Variants in MMP17 observed in about 807,000 individuals in gnomAD.
The protein encoded by MMP17 is matrix metallopeptidase 17, also known as matrix metalloproteinase-17.
A neutral mutation model predicts 49.1 loss-of-function variants in MMP17; 54 were observed. The observed-to-expected ratio is 1.10, with a 90% CI of 0.88 to 1.38. The LOEUF (loss-of-function observed/expected upper bound fraction) is 1.38, where lower values mean the gene tolerates loss of function less well. Ranked by LOEUF, MMP17 falls within the 40% of genes most tolerant of loss-of-function variation. The pLI is 0.00. For missense variants in MMP17, 837 were observed against 853.7 expected, an observed-to-expected ratio of 0.98 and a Z score of 0.24; for synonymous variants, 397 against 383.1, an observed-to-expected ratio of 1.04 and a Z score of -0.42.
intron 9 of MMP17, among the ~76,000 whole-genome samples, chr12:131,850,543 C>CCTG (rs1238627931): frequency 2.6e-5 from 4 of 152,212 alleles, no homozygotes; most frequent in Non-Finnish European, 4.4e-5. Flanking sequence ...CTGGAACAGC[C>CCTG]CTGCACAGAG....
In MMP17 at chr12:131,849,953, G is replaced by T. The variant is rs1887889803; in HGVS notation, c.1356G>T (p.Trp452Cys). 6.2e-7 allele frequency: 1 copy of T among 1,613,882 alleles called. No homozygotes were observed. The highest frequency in any genetic ancestry group is 1.1e-5 in the South Asian group (1 of 91,092). The change falls in exon 9 of 10, where the codon TGG becomes TGT. Residue 452 changes from tryptophan to cysteine, a missense_variant. Trp to Cys is a radical substitution (Grantham distance 215). Coordinates refer to ENST00000360564, the MANE Select transcript of MMP17 (RefSeq NM_016155.7). ...ATTTCTTTAAGGACCAGCTGTACTG[G>T]CGCTACGATGACCACACGAGGCACA... ...RTYFFKDQLY[W>C]RYDDHTRHMD... is the part of the protein sequence containing the mutation.
rs1299286115 is a variant in MMP17, at chr12:131,838,737, T to C, written c.418T>C (p.Trp140Arg). ...PTKWNKRNLSWRVRTFPRDSP... is the reference protein window; with the variant it reads ...PTKWNKRNLSRRVRTFPRDSP... Reference sequence around the variant, plus strand: ...CAAGTGGAACAAGAGGAACCTGTCGTGGAGGTGGGTGTGTGGCCAGGGTGA... The same window carrying C: ...CAAGTGGAACAAGAGGAACCTGTCGCGGAGGTGGGTGTGTGGCCAGGGTGA... The change falls in exon 3 of 10, where the codon TGG becomes CGG. Residue 140 changes from tryptophan to arginine, a missense_variant. Transcript: ENST00000360564. The C allele has an allele frequency of 6.4e-7, 1 of 1,567,140 alleles. No homozygotes were observed. The highest frequency in any genetic ancestry group is 8.6e-7 in the Non-Finnish European group (1 of 1,156,644).
At chr12:131,847,714 C>T (rs1035799481) in intron 8 of MMP17, among the ~76,000 whole-genome samples, 34 of 152,378 alleles carry the variant, frequency 2.2e-4, no homozygotes, top group Middle Eastern at 3.4e-3. Context: ...TTCTGAGCCC[C>T]GAGCCGCCCT....
rs1249478430 is a variant in MMP17, at chr12:131,851,538, G to A, written c.*264G>A. On this transcript the variant is annotated 3_prime_UTR_variant, in exon 10 of 10. Transcript: ENST00000360564. ...GAAGGGTGCCCAGTCAGGCCGCACC[G>A]CCGCCAGCCTCCTCCGGCCCTGGAG... 2.6e-5 allele frequency: 10 copies of A among 385,132 alleles called. No individual in the cohort carries two copies. Among genetic ancestry groups the A allele is most frequent in the Non-Finnish European group, 4.1e-5 (9 of 217,906 alleles). The allele number at this position is 385,132 out of a possible 1,614,324, so 23.9% of individuals were successfully genotyped here.
At chr12:131,848,694 G>A (rs1887826959) in intron 8 of MMP17, among the ~76,000 whole-genome samples, 1 of 152,132 alleles carries the variant, frequency 6.6e-6, no homozygotes, top group South Asian at 2.1e-4. Context: ...CTCTGTGCCT[G>A]GCTCGTGTCA....
chr12:131,843,773 G>T (rs1402898486), intron 5 of MMP17, among the ~76,000 whole-genome samples: 3 of 152,206 alleles, frequency 2.0e-5, no homozygotes, highest in African/African-American at 7.2e-5. Flanking sequence ...GGGTGGAATT[G>T]CAGGGCAGTG....
At chr12:131,831,429 A>G (rs1014759481) in intron 1 of MMP17, among the ~76,000 whole-genome samples, 1 of 151,804 alleles carries the variant, frequency 6.6e-6, no homozygotes, top group Non-Finnish European at 1.5e-5. Context: ...GCCGCCCTCC[A>G]TGTCCTGGCT....
intron 1 of MMP17, 21 bp from the exon 2 acceptor site, chr12:131,838,174 C>T: frequency 2.5e-6 from 4 of 1,602,292 alleles, no homozygotes; most frequent in Non-Finnish European, 3.4e-6. Flanking sequence ...TGCACCCCCT[C>T]ACCCTGCTCT....
intron 1 of MMP17, among the ~76,000 whole-genome samples, chr12:131,830,951 C>T (rs1275400026): frequency 6.6e-6 from 1 of 152,228 alleles, no homozygotes; most frequent in African/African-American, 2.4e-5. Context: ...CGACATACAG[C>T]GAGCAGCCCA....
In MMP17 at chr12:131,851,447, G is replaced by A. The variant is rs1249109294; in HGVS notation, c.*173G>A. On this transcript the variant is annotated 3_prime_UTR_variant, in exon 10 of 10. Coordinates refer to ENST00000360564, the MANE Select transcript of MMP17 (RefSeq NM_016155.7). ...CGCCAGGGCTGGGCAGGCTCAGGTG[G>A]CAAGGACGGAGCTGTCCCCTAGTGA... The A allele has an allele frequency of 1.2e-5, 6 of 514,552 alleles. No homozygotes were observed. In the East Asian group the frequency reaches 1.4e-4, roughly 12 times the overall value. 31.9% of individuals were successfully genotyped at this position (514,552 alleles called of 1,614,324 possible). A position where few individuals can be genotyped will look rare whatever the true frequency, so the allele number is the denominator to read the frequency against.
chr12:131,845,052 C>T (rs952198239), intron 6 of MMP17, 66 bp from the exon 7 acceptor site: 73 of 1,432,322 alleles, frequency 5.1e-5, no homozygotes, highest in Non-Finnish European at 6.2e-5. Flanking sequence ...GGGGCTCTGC[C>T]GCAGGATGCC....
rs200551695 is a variant in MMP17, at chr12:131,851,266, A to G, written c.1804A>G (p.Thr602Ala). The change falls in exon 10 of 10, where the codon ACG (threonine) becomes GCG (alanine). Residue 602 changes from threonine to alanine, a missense_variant. By Grantham distance (58) the Thr-to-Ala change is moderately conservative. Transcript: ENST00000360564. ...CCTGTGGACAGCGGCCCAGGCCCTG[A>G]CGCTATGACACACAGCGCGAGCCCA... ...GALWTAAQAL[T>A]L 615 of 1,423,506 alleles carry G rather than the reference A, an allele frequency of 4.3e-4. 4 individuals carry two copies. In the African/African-American group the frequency reaches 8.2e-3, roughly 19 times the overall value. The allele number at this position is 1,423,506 out of a possible 1,614,324, so 88.2% of individuals were successfully genotyped here. A position where few individuals can be genotyped will look rare whatever the true frequency, so the allele number is the denominator to read the frequency against.
Position 131,851,081 on chromosome 12 carries a change from AG to A in MMP17, c.1623del (p.Arg543AlafsTer59). 1.9e-6 allele frequency: 3 copies of A among 1,605,630 alleles called. No individual in the cohort carries two copies. Among genetic ancestry groups the A allele is most frequent in the Non-Finnish European group, 1.7e-6 (2 of 1,176,660 alleles). ...GTGGCTGCGGGCGTGGACGCGGCAG[AG>A]GGGCCCCGCGCCCCTCCAGGACAAC... is the stretch of plus-strand genomic sequence containing the variant. ...GSVAAGVDAAEGPRAPPGQHD... is the reference protein window; with the variant it reads ...GSVAAGVDAAXGPRAPPGQHD... On this transcript the variant is annotated frameshift_variant, in exon 10 of 10. Transcript: ENST00000360564. LOFTEE classifies it low-confidence loss of function (END_TRUNC).
At chr12:131,837,096 C>T (rs571512594) in intron 1 of MMP17, among the ~76,000 whole-genome samples, 1 of 152,354 alleles carries the variant, frequency 6.6e-6, no homozygotes, top group East Asian at 1.9e-4. Context: ...CTTGCACCCA[C>T]CCCAGTGGGC....
At chr12:131,835,660 A>G (rs1020268576) in intron 1 of MMP17, among the ~76,000 whole-genome samples, 1 of 152,224 alleles carries the variant, frequency 6.6e-6, no homozygotes, top group African/African-American at 2.4e-5. Context: ...CCCAGGCAGC[A>G]GCTGGCCTGG....
At chr12:131,840,158 C>T (rs979312383) in intron 3 of MMP17, 9 of 173,574 alleles carry the variant, frequency 5.2e-5, no homozygotes, top group Middle Eastern at 2.6e-3. Flanking sequence ...CACTATGTGA[C>T]CCACTCACCT....
In MMP17 at chr12:131,840,598, C is replaced by A; in HGVS notation, c.448C>A (p.Pro150Thr). 3 of 1,600,156 alleles carry A rather than the reference C, an allele frequency of 1.9e-6. No individual in the cohort carries two copies. The highest frequency in any genetic ancestry group is 2.6e-6 in the Non-Finnish European group (3 of 1,173,262). Residue 150 changes from proline to threonine, a missense_variant, in exon 4 of 10, where the codon CCA becomes ACA. Physicochemically the swap from Pro to Thr is conservative, Grantham distance 38 (BLOSUM62 -1). Transcript: ENST00000360564. ...WRVRTFPRDS[P>T]LGHDTVRALM... ...GGTCCGGACGTTCCCACGGGACTCA[C>A]CACTGGGGCACGACACGGTGCGTGC... is the stretch of plus-strand genomic sequence containing the variant.
chr12:131,840,557 T>C lies in MMP17; in HGVS notation c.423-16T>C. On this transcript the variant is annotated splice_polypyrimidine_tract_variant and intron_variant, in intron 3 of 9. Transcript: ENST00000360564. ...CTGTTCTCCGTGACTCACTCTGGGC[T>C]GACCCCTGCCTGCAGGGTCCGGACG... 1.3e-6 allele frequency: 2 copies of C among 1,564,320 alleles called. No homozygotes were observed. Among genetic ancestry groups the C allele is most frequent in the Non-Finnish European group, 1.7e-6 (2 of 1,154,236 alleles).
chr12:131,836,510 A>T (rs1593225183), intron 1 of MMP17, among the ~76,000 whole-genome samples: 2 of 142,038 alleles, frequency 1.4e-5, no homozygotes, highest in Admixed American at 6.9e-5. Flanking sequence ...TTAAAAAGTT[A>T]TGTTTTTTTC....
Sources: gnomAD v4.1 joint callset for allele counts (sites outside exome capture counted in the v4.1 genomes callset) on GRCh38, gnomAD v4.1.1 for gene constraint, MANE v1.5 for transcripts, NCBI Gene and HGNC (gene_info 2026-07-23, HGNC 2026-07-21) for gene names.